STYXL1: variants seen among roughly 807,000 people sequenced by gnomAD.
STYXL1 encodes serine/threonine/tyrosine interacting like 1.
In STYXL1, 32 loss-of-function variants were observed where a neutral mutation model predicts 36.4. That is an observed-to-expected ratio of 0.88 (90% confidence interval 0.66 to 1.18). The LOEUF (loss-of-function observed/expected upper bound fraction) is 1.18. Among genes scored for constraint, STYXL1 ranks in the 50% most tolerant of loss-of-function variants. The probability of loss-of-function intolerance (pLI) is 0.00; values close to 1 mark genes in which losing one functional copy is unlikely to be tolerated. For synonymous variants in STYXL1, 133 were observed against 144.1 expected (o/e 0.92, Z 0.55); for missense variants, 354 against 394.1 (o/e 0.90, Z 0.86).
Position 76,009,224 on chromosome 7 carries a change from C to A in STYXL1, c.454-3820G>T, listed in dbSNP as rs782099179. 9.5e-4 allele frequency among the ~76,000 whole-genome samples: 145 copies of A among 152,094 alleles called. 1 individual carries two copies. Among genetic ancestry groups the A allele is most frequent in the Middle Eastern group, 3.4e-3 (1 of 294 alleles). On this transcript the variant is annotated intron_variant, in intron 5 of 8. Coordinates refer to ENST00000359697, the MANE Select transcript of STYXL1 (RefSeq NM_001317785.2). The stretch of plus-strand genomic sequence containing the variant: ...AACCAGTATCTCAAATGAATATGCC[C>A]GAACTGGGCACACTGCCTTCCCCCA...
intron 1 of STYXL1, among the ~76,000 whole-genome samples, chr7:76,034,642 G>T (rs187434293): frequency 6.6e-6 from 1 of 152,152 alleles, no homozygotes; most frequent in African/African-American, 2.4e-5. Context: ...CACCACTGAC[G>T]TCCGGGGCCA....
At chr7:76,010,526 G>A (rs1231457399) in intron 5 of STYXL1, among the ~76,000 whole-genome samples, 1 of 152,136 alleles carries the variant, frequency 6.6e-6, no homozygotes, top group Non-Finnish European at 1.5e-5. Context: ...ACCACTGGCT[G>A]CGTTCTCTGG....
chr7:76,012,579 T>A (rs1792688736), intron 5 of STYXL1, among the ~76,000 whole-genome samples: 2 of 152,094 alleles, frequency 1.3e-5, no homozygotes. Flanking sequence ...GTATTTTTGG[T>A]AGTCAGGGTT....
intron 1 of STYXL1, among the ~76,000 whole-genome samples, chr7:76,038,312 G>A (rs1012508866): frequency 5.3e-5 from 8 of 149,634 alleles, no homozygotes; most frequent in Non-Finnish European, 1.0e-4. Flanking sequence ...GGGGTGTTTG[G>A]TTCTGTGGGA....
intron 2 of STYXL1, 116 bp downstream of exon 2, chr7:76,030,305 T>G: frequency 1.4e-6 from 1 of 734,550 alleles, no homozygotes; most frequent in Non-Finnish European, 2.3e-6. Flanking sequence ...AGCCCAGGGA[T>G]CCCTGTTCTA....
intron 1 of STYXL1, among the ~76,000 whole-genome samples, chr7:76,042,389 GCTTTTTTTTTTTT>G (rs1232477686): frequency 3.6e-4 from 8 of 22,246 alleles, no homozygotes; most frequent in African/African-American, 6.0e-4. Context: ...GCCCTTATGT[GCTTTTTTTTTTTT>G]TTTTTTTTTT....
chr7:76,046,339 T>TGTGTGTGTGTGC (rs1797056612), intron 1 of STYXL1, among the ~76,000 whole-genome samples: 3 of 44,940 alleles, frequency 6.7e-5, no homozygotes, highest in Admixed American at 2.5e-4. Context: ...TGTGTGTGTG[T>TGTGTGTGTGTGC]GCGCGCGCGC....
rs1554569012 is a variant in STYXL1, at chr7:76,003,831, A to G, written c.624T>C (p.Leu208=). The G allele has an allele frequency of 1.2e-6, 2 of 1,614,198 alleles. No individual in the cohort carries two copies. Among genetic ancestry groups the G allele is most frequent in the Non-Finnish European group, 8.5e-7 (1 of 1,180,038 alleles). Residue 208 remains leucine, a synonymous_variant, in exon 7 of 9, where the codon CTT becomes CTC. Transcript: ENST00000359697. ...GPFFAGDADK[L]LHIRIEDSPE... ...GGGAATCTTCTATCCGGATGTGCAG[A>G]AGCTTGTCAGCATCGCCTGCAAAAC...
intron 4 of STYXL1, among the ~76,000 whole-genome samples, chr7:76,018,764 G>A (rs1008050887): frequency 6.6e-6 from 1 of 152,204 alleles, no homozygotes; most frequent in Non-Finnish European, 1.5e-5. Flanking sequence ...CTGTTTAGCT[G>A]CTGATAGACA....
intron 1 of STYXL1, among the ~76,000 whole-genome samples, chr7:76,034,453 T>C (rs1009399629): frequency 7.2e-5 from 11 of 152,326 alleles, no homozygotes; most frequent in African/African-American, 2.6e-4. Context: ...GTAACACGGC[T>C]GAGCATTGTT....
intron 4 of STYXL1, among the ~76,000 whole-genome samples, chr7:76,020,460 G>A (rs754548945): frequency 1.2e-4 from 19 of 152,154 alleles, no homozygotes; most frequent in Non-Finnish European, 2.4e-4. Context: ...TCAGAGGTTC[G>A]ATGGAGCACA....
chr7:76,006,599 T>C (rs1369312963), intron 5 of STYXL1, among the ~76,000 whole-genome samples: 1 of 151,552 alleles, frequency 6.6e-6, no homozygotes, highest in Non-Finnish European at 1.5e-5. Flanking sequence ...TCGTCTCTTC[T>C]AAAAAATACA....
At chr7:76,042,082 G>A (rs1041100669) in intron 1 of STYXL1, among the ~76,000 whole-genome samples, 5 of 152,156 alleles carry the variant, frequency 3.3e-5, no homozygotes, top group Non-Finnish European at 5.9e-5. Context: ...GTGCATGTAC[G>A]CATGTGTGTG....
At chr7:76,033,584 G>A (rs957727422) in intron 1 of STYXL1, among the ~76,000 whole-genome samples, 14 of 152,220 alleles carry the variant, frequency 9.2e-5, no homozygotes, top group African/African-American at 2.6e-4. Flanking sequence ...GTTACCAGAC[G>A]ATGCTCCTGG....
chr7:76,043,346 G>C (rs938480039), intron 1 of STYXL1, among the ~76,000 whole-genome samples: 2 of 151,934 alleles, frequency 1.3e-5, no homozygotes, highest in Admixed American at 1.3e-4. Context: ...CACCATGTTG[G>C]GCAGGCTGGT....
intron 1 of STYXL1, among the ~76,000 whole-genome samples, chr7:76,034,725 A>G (rs1486350392): frequency 7.2e-5 from 11 of 152,150 alleles, no homozygotes; most frequent in African/African-American, 2.7e-4. Context: ...TGCCTAGTGG[A>G]TGCCGGAAGC....
At chr7:76,018,295 C>A (rs782646899) in intron 4 of STYXL1, among the ~76,000 whole-genome samples, 4 of 152,174 alleles carry the variant, frequency 2.6e-5, no homozygotes. Flanking sequence ...CTGGACTTTT[C>A]ATATAAATGG....
At chr7:75,998,920 T>C (rs2116716107) in intron 8 of STYXL1, 1 of 152,364 alleles carries the variant, frequency 6.6e-6, no homozygotes, top group East Asian at 1.9e-4. Context: ...GATCAATTCC[T>C]TGAAAGACAC....
chr7:76,013,710 T>G (rs186469256), intron 5 of STYXL1, 32 bp downstream of exon 5: 51 of 1,613,666 alleles, frequency 3.2e-5, no homozygotes, highest in Middle Eastern at 3.3e-4. Flanking sequence ...CCTTCCCGTC[T>G]GGGCCTGCCT....
Sources: gnomAD v4.1 joint callset for allele counts (sites outside exome capture counted in the v4.1 genomes callset) on GRCh38, gnomAD v4.1.1 for gene constraint, MANE v1.5 for transcripts, NCBI Gene and HGNC (gene_info 2026-07-23, HGNC 2026-07-21) for gene names.